RNF130: variants seen among roughly 807,000 people sequenced by gnomAD.
RNF130 encodes the protein E3 ubiquitin-protein ligase RNF130.
Under a neutral mutation model 44.6 loss-of-function variants are expected in RNF130, and 21 were observed. The ratio of observed to expected loss-of-function variants is 0.47; its 90% CI spans 0.33 to 0.68. The LOEUF (loss-of-function observed/expected upper bound fraction) is 0.68, where lower values mean the gene tolerates loss of function less well. RNF130 is among the 30% of genes least tolerant of loss of function. The pLI, the probability that RNF130 is intolerant of heterozygous loss-of-function variation, is 0.02. For synonymous variants in RNF130, 214 were observed against 210.4 expected (o/e 1.02, Z -0.15); for missense variants, 479 against 560.6 (o/e 0.85, Z 1.47).
At chr5:180,006,486 G>A (rs1040147270) in intron 3 of RNF130, among the ~76,000 whole-genome samples, 17 of 152,146 alleles carry the variant, frequency 1.1e-4, no homozygotes, top group African/African-American at 4.1e-4. Context: ...CAGCAACCCT[G>A]AGATACTTAT....
At chr5:179,959,112 G>C (rs180902713) in intron 8 of RNF130, among the ~76,000 whole-genome samples, 1 of 152,230 alleles carries the variant, frequency 6.6e-6, no homozygotes, top group East Asian at 1.9e-4. Flanking sequence ...TATTAAACCA[G>C]GCAATACGGG....
At chr5:179,920,801 T>A (rs536876125) in intron 7 of RNF130, among the ~76,000 whole-genome samples, 3,768 of 149,506 alleles carry the variant, frequency 0.025, 185 homozygotes, top group African/African-American at 0.088. Flanking sequence ...ATATATTTTT[T>A]TTTTTGAGAT....
chr5:179,930,650 AAGTAT>A (rs1761795808), intron 7 of RNF130, among the ~76,000 whole-genome samples: 1 of 152,216 alleles, frequency 6.6e-6, no homozygotes, highest in Non-Finnish European at 1.5e-5. Flanking sequence ...TTTCACTGAT[AAGTAT>A]AATGTTTGCT....
intron 2 of RNF130, among the ~76,000 whole-genome samples, chr5:180,027,427 C>G (rs772578085): frequency 1.5e-3 from 221 of 152,168 alleles, no homozygotes; most frequent in Non-Finnish European, 1.7e-3. Flanking sequence ...TTATGGCATA[C>G]GAAAGTCAGA....
rs1179272671 is a variant in RNF130 at position 179,966,972 on chromosome 5, C to T, written c.984G>A (p.Met328Ile). 2 of 1,614,238 alleles carry T rather than the reference C, an allele frequency of 1.2e-6. No homozygotes were observed. Among genetic ancestry groups the T allele is most frequent in the Non-Finnish European group, 1.7e-6 (2 of 1,180,032 alleles). ...CAGCTTGGGTTCTGGTGAGCCTTTC[C>T]ATATCGAATGCTACGTTATCAGTAC... is the stretch of plus-strand genomic sequence containing the variant. ...LPCTDNVAFD[M>I]ERLTRTQAVN... Residue 328 changes from methionine (M) to isoleucine (I), a missense_variant, in exon 7 of 9, where the codon ATG (methionine) becomes ATA (isoleucine). This residue lies in a region of RNF130 where 161 missense variants were observed against 158.6 expected (regional missense o/e 1.02). Coordinates refer to ENST00000521389, the MANE Select transcript of RNF130 (RefSeq NM_018434.6).
chr5:180,067,636 A>G (rs530545692), intron 1 of RNF130, among the ~76,000 whole-genome samples: 1 of 152,236 alleles, frequency 6.6e-6, no homozygotes, highest in Non-Finnish European at 1.5e-5. Flanking sequence ...CAACATAAAT[A>G]TAATTTATTA....
intron 2 of RNF130, among the ~76,000 whole-genome samples, chr5:180,014,856 C>G (rs1763681903): frequency 6.6e-6 from 1 of 152,092 alleles, no homozygotes; most frequent in African/African-American, 2.4e-5. Flanking sequence ...CATGGTGGCA[C>G]ATGTCTGTGG....
intron 8 of RNF130, among the ~76,000 whole-genome samples, chr5:179,958,352 T>A (rs1284575309): frequency 6.6e-6 from 1 of 152,214 alleles, no homozygotes; most frequent in African/African-American, 2.4e-5. Context: ...CAGTTACACA[T>A]GGGAGTACTG....
intron 2 of RNF130, among the ~76,000 whole-genome samples, chr5:180,028,596 C>T (rs1582202253): frequency 6.6e-6 from 1 of 152,234 alleles, no homozygotes; most frequent in South Asian, 2.1e-4. Context: ...CAGCTGATCC[C>T]GCTACGTAGG....
chr5:179,971,143 GTGAC>G (rs1489699233), intron 5 of RNF130, among the ~76,000 whole-genome samples: 1 of 152,156 alleles, frequency 6.6e-6, no homozygotes, highest in African/African-American at 2.4e-5. Context: ...TCACAGTCTT[GTGAC>G]TGGAAATAAG....
At chr5:179,967,431 C>T (rs1205968446) in intron 6 of RNF130, among the ~76,000 whole-genome samples, 3 of 152,154 alleles carry the variant, frequency 2.0e-5, no homozygotes, top group African/African-American at 7.2e-5. Flanking sequence ...CTCTAAAAGC[C>T]CCATTTATCT....
chr5:179,957,644 T>C (rs1489664069), intron 8 of RNF130, among the ~76,000 whole-genome samples: 2 of 152,168 alleles, frequency 1.3e-5, no homozygotes, highest in Non-Finnish European at 2.9e-5. Flanking sequence ...GTGGCCTTCT[T>C]CCTATGGCAT....
intron 6 of RNF130, among the ~76,000 whole-genome samples, chr5:179,968,454 T>A (rs1230449395): frequency 6.6e-6 from 1 of 151,762 alleles, no homozygotes; most frequent in East Asian, 1.9e-4. Context: ...TCACTTGAGG[T>A]CAGGAGTTTG....
chr5:180,043,688 C>T (rs1266482155), intron 1 of RNF130, among the ~76,000 whole-genome samples: 1 of 152,036 alleles, frequency 6.6e-6, no homozygotes, highest in East Asian at 1.9e-4. Flanking sequence ...TAAAACTCTG[C>T]TAAAGGAATC....
At chr5:180,069,206 A>G (rs1191856896) in intron 1 of RNF130, among the ~76,000 whole-genome samples, 1 of 152,220 alleles carries the variant, frequency 6.6e-6, no homozygotes, top group African/African-American at 2.4e-5. Flanking sequence ...CTAACTTACA[A>G]AGATCCCAGC....
chr5:180,030,091 G>T (rs1426375196), intron 2 of RNF130, among the ~76,000 whole-genome samples: 1 of 151,922 alleles, frequency 6.6e-6, no homozygotes, highest in Non-Finnish European at 1.5e-5. Context: ...CAGGTGATCC[G>T]CCTACCTCGG....
intron 8 of RNF130, among the ~76,000 whole-genome samples, chr5:179,958,113 G>A (rs951026358): frequency 9.9e-5 from 15 of 152,184 alleles, no homozygotes; most frequent in Non-Finnish European, 2.1e-4. Context: ...TCCTGACCTC[G>A]TGATCCGCCC....
At chr5:180,003,303 T>C (rs1474656845) in intron 3 of RNF130, among the ~76,000 whole-genome samples, 2 of 152,120 alleles carry the variant, frequency 1.3e-5, no homozygotes, top group Non-Finnish European at 2.9e-5. Context: ...CACTGCATTA[T>C]GGAATAGCCA....
chr5:180,036,357 C>T (rs574340663), intron 2 of RNF130, among the ~76,000 whole-genome samples: 1 of 152,330 alleles, frequency 6.6e-6, no homozygotes, highest in Non-Finnish European at 1.5e-5. Flanking sequence ...TGGCTCTCCT[C>T]TGCTAGCCCA....
Sources: allele counts gnomAD v4.1 joint callset (sites outside exome capture counted in the v4.1 genomes callset), GRCh38; gene constraint gnomAD v4.1.1; regional missense constraint gnomAD v4.1.1; transcripts MANE v1.5; gene names NCBI Gene and HGNC (gene_info 2026-07-23, HGNC 2026-07-21).